ARL15: variants seen among roughly 807,000 people sequenced by gnomAD.
The protein encoded by ARL15 is ADP-ribosylation factor-like protein 15.
Under a neutral mutation model 25.2 loss-of-function variants are expected in ARL15, and 19 were observed. That is an observed-to-expected ratio of 0.75 (90% confidence interval 0.53 to 1.10). The LOEUF (loss-of-function observed/expected upper bound fraction) is 1.10, where lower values mean the gene tolerates loss of function less well. Among genes scored for constraint, ARL15 ranks in the 50% least tolerant of loss-of-function variants. The pLI, the probability that ARL15 is intolerant of heterozygous loss-of-function variation, is 0.00. For missense variants in ARL15, 220 were observed against 246.0 expected, an observed-to-expected ratio of 0.89 and a Z score of 0.71; for synonymous variants, 94 against 86.8, an observed-to-expected ratio of 1.08 and a Z score of -0.46.
At chr5:53,991,368 T>TC (rs1188906133) in intron 4 of ARL15, among the ~76,000 whole-genome samples, 2 of 151,634 alleles carry the variant, frequency 1.3e-5, no homozygotes, top group African/African-American at 2.4e-5. Flanking sequence ...ATGATGAAAC[T>TC]CCATCTCTAC....
At chr5:53,888,484 A>T (rs918336985) in intron 4 of ARL15, among the ~76,000 whole-genome samples, 2 of 152,018 alleles carry the variant, frequency 1.3e-5, no homozygotes, top group African/African-American at 4.8e-5. Flanking sequence ...GGGTCTAACC[A>T]TGTTGCCTAG....
rs949291981 is a variant in ARL15, at chr5:53,887,286, G to A, written c.463-573C>T. 9 of 665,342 alleles carry A rather than the reference G, an allele frequency of 1.4e-5. No homozygotes were observed. In the African/African-American group the frequency reaches 1.4e-4, roughly 11 times the overall value. 41.2% of individuals were successfully genotyped at this position (665,342 alleles called of 1,614,324 possible). On this transcript the variant is annotated intron_variant, in intron 4 of 4. Coordinates refer to ENST00000504924, the MANE Select transcript of ARL15 (RefSeq NM_019087.3). ...TTTTCTAGGAAAGAGGATAGAAACT[G>A]CATGTATGTATGTTTGTATGCATAT...
At chr5:53,886,750 T>A in intron 4 of ARL15, 37 bp from the exon 5 acceptor site, 1 of 1,501,336 alleles carries the variant, frequency 6.7e-7, no homozygotes, top group Non-Finnish European at 8.9e-7. Context: ...AGGTTATTAA[T>A]TATATCAGAA....
At chr5:54,202,189 AT>A (rs1304854311) in intron 1 of ARL15, among the ~76,000 whole-genome samples, 1 of 152,186 alleles carries the variant, frequency 6.6e-6, no homozygotes, top group African/African-American at 2.4e-5. Context: ...AATTATATGT[AT>A]TTGTGTGATA....
At chr5:54,015,368 A>C (rs188821497) in intron 4 of ARL15, among the ~76,000 whole-genome samples, 4 of 152,340 alleles carry the variant, frequency 2.6e-5, no homozygotes, top group African/African-American at 9.6e-5. Flanking sequence ...CCTGAAAAAA[A>C]TCCAAAATGT....
At chr5:54,207,965 T>A (rs1486285770) in intron 1 of ARL15, among the ~76,000 whole-genome samples, 1 of 152,000 alleles carries the variant, frequency 6.6e-6, no homozygotes, top group Non-Finnish European at 1.5e-5. Context: ...AAAGCAGGAG[T>A]ATTGTACAGA....
chr5:54,093,144 G>A (rs527916771), intron 4 of ARL15, among the ~76,000 whole-genome samples: 1 of 152,214 alleles, frequency 6.6e-6, no homozygotes, highest in African/African-American at 2.4e-5. Context: ...TGTTGAGAAG[G>A]ATGTGTAATT....
intron 1 of ARL15, among the ~76,000 whole-genome samples, chr5:54,200,420 C>T (rs562828621): frequency 5.3e-5 from 8 of 152,052 alleles, no homozygotes; most frequent in African/African-American, 1.9e-4. Flanking sequence ...GGAGGCACTG[C>T]ATCCAAATTT....
chr5:54,254,335 G>A (rs1237808299), intron 1 of ARL15, among the ~76,000 whole-genome samples: 1 of 152,126 alleles, frequency 6.6e-6, no homozygotes, highest in Non-Finnish European at 1.5e-5. Flanking sequence ...TATTATATAA[G>A]GAGTCTGACT....
intron 1 of ARL15, among the ~76,000 whole-genome samples, chr5:54,174,552 G>A (rs1754809884): frequency 6.6e-6 from 1 of 152,068 alleles, no homozygotes; most frequent in Non-Finnish European, 1.5e-5. Flanking sequence ...CAAGCCTGAG[G>A]AGTCCTACTT....
chr5:54,044,499 C>T (rs187250872), intron 4 of ARL15, among the ~76,000 whole-genome samples: 119 of 152,208 alleles, frequency 7.8e-4, no homozygotes, highest in African/African-American at 2.8e-3. Flanking sequence ...CCCGCCTTGG[C>T]CTCCCAAAGC....
At chr5:54,125,769 T>C (rs1028075941) in intron 3 of ARL15, among the ~76,000 whole-genome samples, 1 of 152,166 alleles carries the variant, frequency 6.6e-6, no homozygotes. Context: ...CCCAAATTTG[T>C]AGTGAATTGT....
At chr5:53,931,751 A>G (rs1204309028) in intron 4 of ARL15, among the ~76,000 whole-genome samples, 1 of 152,250 alleles carries the variant, frequency 6.6e-6, no homozygotes, top group Non-Finnish European at 1.5e-5. Flanking sequence ...GAGAATAAGT[A>G]GGGGTCAGAC....
chr5:53,961,642 AT>A (rs1378227732), intron 4 of ARL15, among the ~76,000 whole-genome samples: 1 of 152,172 alleles, frequency 6.6e-6, no homozygotes, highest in African/African-American at 2.4e-5. Flanking sequence ...TGAACATTAA[AT>A]TTTAAAAAGG....
intron 1 of ARL15, among the ~76,000 whole-genome samples, chr5:54,276,860 G>C (rs1757942306): frequency 6.6e-6 from 1 of 152,184 alleles, no homozygotes; most frequent in Admixed American, 6.5e-5. Flanking sequence ...ACAGATAGCT[G>C]CTAGAAGCAC....
At chr5:53,912,236 T>C (rs1745487970) in intron 4 of ARL15, 1 of 152,128 alleles carries the variant, frequency 6.6e-6, no homozygotes, top group Admixed American at 6.6e-5. Flanking sequence ...CACCGAAGCT[T>C]AGACAGGTTA....
At chr5:53,952,004 G>A (rs559664119) in intron 4 of ARL15, among the ~76,000 whole-genome samples, 8 of 151,762 alleles carry the variant, frequency 5.3e-5, no homozygotes, top group African/African-American at 7.3e-5. Context: ...GTGGTGGCTC[G>A]CGCCTGTAAT....
chr5:54,113,097 A>G (rs563684982), intron 4 of ARL15, 105 bp downstream of exon 4: 1 of 1,105,572 alleles, frequency 9.0e-7, no homozygotes, highest in South Asian at 1.6e-5. Context: ...TGTTGAAAGC[A>G]GCATAACCAG....
chr5:53,964,561 C>T (rs970167642), intron 4 of ARL15, among the ~76,000 whole-genome samples: 11 of 152,160 alleles, frequency 7.2e-5, no homozygotes, highest in Middle Eastern at 3.4e-3. Flanking sequence ...GGGGCTTCAC[C>T]GTGTTAGCCA....
Sources: allele counts gnomAD v4.1 joint callset (sites outside exome capture counted in the v4.1 genomes callset), GRCh38; gene constraint gnomAD v4.1.1; transcripts MANE v1.5; gene names NCBI Gene and HGNC (gene_info 2026-07-23, HGNC 2026-07-21).